Variants in ZBTB7C observed in about 807,000 individuals in gnomAD.
ZBTB7C encodes the protein zinc finger and BTB domain-containing protein 7C.
A neutral mutation model predicts 25.7 loss-of-function variants in ZBTB7C; 8 were observed. The observed-to-expected ratio is 0.31, with a 90% CI of 0.18 to 0.56. ZBTB7C has a LOEUF of 0.56. Among genes scored for constraint, ZBTB7C ranks in the 20% least tolerant of loss-of-function variants. ZBTB7C has a pLI of 0.91. For synonymous variants in ZBTB7C, 394 were observed against 369.0 expected (o/e 1.07, Z -0.78); for missense variants, 824 against 855.2 (o/e 0.96, Z 0.46).
chr18:48,261,283 G>A (rs11873852), intron 2 of ZBTB7C, among the ~76,000 whole-genome samples: 1 of 152,078 alleles, frequency 6.6e-6, no homozygotes, highest in Admixed American at 6.6e-5. Flanking sequence ...TTAATATCTC[G>A]AGTGCTGGGC....
At chr18:48,055,197 G>A (rs1448999214) in intron 3 of ZBTB7C, among the ~76,000 whole-genome samples, 1 of 151,808 alleles carries the variant, frequency 6.6e-6, no homozygotes, top group Non-Finnish European at 1.5e-5. Flanking sequence ...ATCATTTAAA[G>A]TCAGGAGTTC....
intron 2 of ZBTB7C, among the ~76,000 whole-genome samples, chr18:48,323,681 T>C (rs769791802): frequency 6.6e-6 from 1 of 152,214 alleles, no homozygotes; most frequent in Non-Finnish European, 1.5e-5. Flanking sequence ...AGCTTGCTCA[T>C]ACCTTCCTTC....
intron 2 of ZBTB7C, among the ~76,000 whole-genome samples, chr18:48,309,218 A>C (rs1343429451): frequency 6.6e-6 from 1 of 152,238 alleles, no homozygotes; most frequent in Non-Finnish European, 1.5e-5. Context: ...CCCGGAGACC[A>C]CTAGTCTCCA....
chr18:48,341,018 GC>G (rs1316202361), intron 1 of ZBTB7C, among the ~76,000 whole-genome samples: 4 of 152,086 alleles, frequency 2.6e-5, no homozygotes, highest in African/African-American at 9.7e-5. Flanking sequence ...GTTCCCAAGG[GC>G]CCCCTTCAGT....
At chr18:48,105,705 G>T in intron 3 of ZBTB7C, among the ~76,000 whole-genome samples, 1 of 152,142 alleles carries the variant, frequency 6.6e-6, no homozygotes, top group Non-Finnish European at 1.5e-5. Context: ...AAGGTAGATG[G>T]GTGTGGGGAG....
At chr18:48,032,982 C>A (rs2035828818) in intron 4 of ZBTB7C, among the ~76,000 whole-genome samples, 1 of 152,002 alleles carries the variant, frequency 6.6e-6, no homozygotes, top group African/African-American at 2.4e-5. Flanking sequence ...CTTCATTGAC[C>A]CTGGGAATTC....
chr18:48,086,148 G>A (rs1598851090), intron 3 of ZBTB7C, among the ~76,000 whole-genome samples: 1 of 152,282 alleles, frequency 6.6e-6, no homozygotes. Context: ...TGCTTCCTGG[G>A]CTTTTCTTTT....
At chr18:48,057,050 C>CAAAAAAA (rs11380205) in intron 3 of ZBTB7C, among the ~76,000 whole-genome samples, 1 of 64,298 alleles carries the variant, frequency 1.6e-5, no homozygotes, top group African/African-American at 5.8e-5. Context: ...GAAAAATTGT[C>CAAAAAAA]AAAAAAAAAA....
At chr18:48,291,510 C>CGCTCTTG (rs879824135) in intron 2 of ZBTB7C, among the ~76,000 whole-genome samples, 16 of 152,280 alleles carry the variant, frequency 1.1e-4, no homozygotes, top group Non-Finnish European at 1.8e-4. Context: ...CTGAGAGCCA[C>CGCTCTTG]GCTCTTGAAA....
intron 3 of ZBTB7C, among the ~76,000 whole-genome samples, chr18:48,128,667 G>C (rs7227325): frequency 0.33 from 50,439 of 151,958 alleles, 9,734 homozygotes; most frequent in Middle Eastern, 0.47. Context: ...GTACGCAAAG[G>C]CATACAGAGT....
intron 2 of ZBTB7C, among the ~76,000 whole-genome samples, chr18:48,258,818 T>C (rs1418711171): frequency 2.7e-5 from 4 of 145,714 alleles, no homozygotes; most frequent in South Asian, 2.2e-4. Context: ...ACCACCACGC[T>C]CCACTAATTT....
At chr18:48,372,471 C>T (rs2047410255) in intron 1 of ZBTB7C, among the ~76,000 whole-genome samples, 1 of 152,170 alleles carries the variant, frequency 6.6e-6, no homozygotes, top group Admixed American at 6.5e-5. Context: ...GCTGATGTGA[C>T]TTCTCCATCT....
chr18:48,063,786 T>C (rs538671822), intron 3 of ZBTB7C, among the ~76,000 whole-genome samples: 2 of 152,214 alleles, frequency 1.3e-5, no homozygotes, highest in Non-Finnish European at 2.9e-5. Context: ...AACTAAAGCT[T>C]ATAGGACTGG....
chr18:48,154,048 AG>A, intron 3 of ZBTB7C, among the ~76,000 whole-genome samples: 1 of 152,210 alleles, frequency 6.6e-6, no homozygotes, highest in South Asian at 2.1e-4. Flanking sequence ...TCAAGTCCAA[AG>A]GCCACAGCTG....
chr18:48,109,043 TC>T (rs1313621579), intron 3 of ZBTB7C, among the ~76,000 whole-genome samples: 3 of 152,030 alleles, frequency 2.0e-5, no homozygotes, highest in African/African-American at 7.3e-5. Context: ...CAGGGAGACT[TC>T]CTAGAGGAGG....
intron 2 of ZBTB7C, among the ~76,000 whole-genome samples, chr18:48,272,180 G>A (rs989740258): frequency 2.6e-5 from 4 of 152,218 alleles, no homozygotes; most frequent in African/African-American, 9.6e-5. Context: ...ATTAACATTT[G>A]AATCAGTAGA....
chr18:48,046,240 T>A (rs2036463689), intron 3 of ZBTB7C, among the ~76,000 whole-genome samples: 1 of 152,260 alleles, frequency 6.6e-6, no homozygotes, highest in Non-Finnish European at 1.5e-5. Flanking sequence ...TTGTGATATT[T>A]ATCATAATTT....
chr18:48,224,470 G>A (rs936819962), intron 2 of ZBTB7C, among the ~76,000 whole-genome samples: 1 of 152,202 alleles, frequency 6.6e-6, no homozygotes, highest in South Asian at 2.1e-4. Flanking sequence ...CTCCACTGAG[G>A]GAAGGGAAGC....
At chr18:48,243,228 C>T (rs1002205141) in intron 2 of ZBTB7C, among the ~76,000 whole-genome samples, 1 of 139,662 alleles carries the variant, frequency 7.2e-6, no homozygotes, top group African/African-American at 2.7e-5. Flanking sequence ...CATGCCACTG[C>T]ACTCCAGCTT....
Sources: allele counts gnomAD v4.1 joint callset (sites outside exome capture counted in the v4.1 genomes callset), GRCh38; gene constraint gnomAD v4.1.1; transcripts MANE v1.5; gene names NCBI Gene and HGNC (gene_info 2026-07-23, HGNC 2026-07-21).